FSTL5: variants seen among roughly 807,000 people sequenced by gnomAD.
FSTL5 encodes follistatin like 5, also known as follistatin-related protein 5.
Under a neutral mutation model 89.1 loss-of-function variants are expected in FSTL5, and 62 were observed. That is an observed-to-expected ratio of 0.70 (90% CI 0.57 to 0.86). FSTL5 has a LOEUF of 0.86. Ranked by LOEUF, FSTL5 falls within the 40% of genes least tolerant of loss-of-function variation. FSTL5 has a pLI of 0.00. For missense variants in FSTL5, 1,057 were observed against 1,001.6 expected (o/e 1.06, Z -0.75); for synonymous variants, 383 against 346.2 (o/e 1.11, Z -1.18).
chr4:162,141,203 G>A (rs369593773), intron 1 of FSTL5, among the ~76,000 whole-genome samples: 3 of 95,852 alleles, frequency 3.1e-5, no homozygotes, highest in African/African-American at 1.2e-4. Context: ...TGCAAGCTCC[G>A]CCTCCCGGGT....
At chr4:161,980,764 CTTTTTTTTTTTTTTT>C (rs34223215) in intron 3 of FSTL5, among the ~76,000 whole-genome samples, 11 of 71,842 alleles carry the variant, frequency 1.5e-4, no homozygotes, top group South Asian at 6.7e-4. Context: ...CTTCAAGTAA[CTTTTTTTTTTTTTTT>C]TTTTTTTTTT....
intron 3 of FSTL5, among the ~76,000 whole-genome samples, chr4:161,946,763 C>T (rs1397809332): frequency 6.6e-6 from 1 of 152,058 alleles, no homozygotes; most frequent in South Asian, 2.1e-4. Flanking sequence ...GTAAACACTT[C>T]GAAGTGGAAT....
At chr4:161,492,872 A>G (rs1490083371) in intron 12 of FSTL5, among the ~76,000 whole-genome samples, 2 of 152,054 alleles carry the variant, frequency 1.3e-5, no homozygotes, top group African/African-American at 2.4e-5. Context: ...ATGTAAATAT[A>G]TTTTTAAATA....
Position 161,656,399 on chromosome 4 carries a change from T to A in FSTL5, c.823A>T (p.Thr275Ser). ...TTCCAGATAATGGGAGGTCTCAGGG[T>A]TCCTTGAATGGCACAGCTCAGAACA... is the stretch of plus-strand genomic sequence containing the variant. ...SAVLSCAIQG[T>S]LRPPIIWKRN... is the part of the protein sequence containing the mutation. Residue 275 changes from threonine to serine, a missense_variant, in exon 7 of 16, where the codon ACC becomes TCC. Coordinates refer to ENST00000306100, the MANE Select transcript of FSTL5 (RefSeq NM_020116.5). 1 of 1,610,546 alleles carries A rather than the reference T, an allele frequency of 6.2e-7. No homozygotes were observed. Among genetic ancestry groups the A allele is most frequent in the Non-Finnish European group, 8.5e-7 (1 of 1,177,358 alleles).
At chr4:162,024,461 T>C (rs1009680862) in intron 3 of FSTL5, among the ~76,000 whole-genome samples, 1 of 152,188 alleles carries the variant, frequency 6.6e-6, no homozygotes, top group Non-Finnish European at 1.5e-5. Context: ...TAACCTTCAT[T>C]ATCTGATGCA....
At chr4:162,028,132 G>A (rs1265113419) in intron 3 of FSTL5, among the ~76,000 whole-genome samples, 1 of 152,056 alleles carries the variant, frequency 6.6e-6, no homozygotes, top group Non-Finnish European at 1.5e-5. Flanking sequence ...ATATTTTCAA[G>A]GAGTAAGTTT....
intron 8 of FSTL5, among the ~76,000 whole-genome samples, chr4:161,552,262 A>T (rs1732242056): frequency 6.6e-6 from 1 of 151,916 alleles, no homozygotes; most frequent in Admixed American, 6.6e-5. Flanking sequence ...GAATCAGAAT[A>T]GATATTAATA....
At chr4:161,554,223 A>G (rs1426059747) in intron 8 of FSTL5, among the ~76,000 whole-genome samples, 7 of 151,466 alleles carry the variant, frequency 4.6e-5, no homozygotes, top group Non-Finnish European at 1.0e-4. Flanking sequence ...GATGTGTCTT[A>G]TGATGATAGT....
chr4:161,860,645 A>C (rs1356753423), intron 4 of FSTL5, among the ~76,000 whole-genome samples: 2 of 152,186 alleles, frequency 1.3e-5, no homozygotes, highest in African/African-American at 4.8e-5. Context: ...AAATTAATCT[A>C]ACCATTTCCC....
chr4:161,402,862 C>A (rs1229906660), intron 15 of FSTL5, among the ~76,000 whole-genome samples: 3 of 150,284 alleles, frequency 2.0e-5, no homozygotes, highest in African/African-American at 7.3e-5. Flanking sequence ...CACTCTGTTG[C>A]CCAGGCTGGA....
In FSTL5 at chr4:161,839,258, C is replaced by T. The variant is rs144661225; in HGVS notation, c.410-63184G>A. On this transcript the variant is annotated intron_variant, in intron 4 of 15. Transcript: ENST00000306100. The stretch of plus-strand genomic sequence containing the variant: ...CAAAAGTTATTTGAAAATATTAATG[C>T]AATGATCTATTCTGTTACGGGATGA... Among the ~76,000 whole-genome samples, 182 of 151,992 alleles carry T rather than the reference C, an allele frequency of 1.2e-3. 6 individuals carry two copies. The East Asian group carries it at 0.032, about 27-fold the overall frequency.
intron 5 of FSTL5, among the ~76,000 whole-genome samples, chr4:161,770,774 T>C (rs1741180874): frequency 2.0e-5 from 3 of 151,794 alleles, no homozygotes; most frequent in Admixed American, 2.0e-4. Context: ...TAAAACAAAA[T>C]ATATATAATA....
At chr4:161,396,595 A>G (rs1163288952) in intron 15 of FSTL5, among the ~76,000 whole-genome samples, 2 of 151,850 alleles carry the variant, frequency 1.3e-5, no homozygotes, top group East Asian at 3.9e-4. Context: ...CAGAGGTTGC[A>G]GTAAGCTGAG....
chr4:161,553,930 T>G (rs1414573145), intron 8 of FSTL5, among the ~76,000 whole-genome samples: 1 of 151,528 alleles, frequency 6.6e-6, no homozygotes, highest in Non-Finnish European at 1.5e-5. Flanking sequence ...ACAAATCTAA[T>G]AAAATTTTAT....
In FSTL5 at chr4:161,779,792, T is replaced by TAC. The variant is rs1741576382; in HGVS notation, c.410-3719_410-3718insGT. On this transcript the variant is annotated intron_variant, in intron 4 of 15. Transcript: ENST00000306100. ...ATATATATGTATATATATATATATA[T>TAC]ATATATATATATATATATGTATATA... Among the ~76,000 whole-genome samples, 11 of 53,194 alleles carry TAC rather than the reference T, an allele frequency of 2.1e-4. No individual in the cohort carries two copies. In the South Asian group the frequency reaches 3.7e-3, roughly 18 times the overall value. The allele number at this position is 53,194 out of a possible 152,430, so 34.9% of individuals were successfully genotyped here.
chr4:161,570,837 C>T (rs907858602), intron 8 of FSTL5, among the ~76,000 whole-genome samples: 8 of 152,060 alleles, frequency 5.3e-5, no homozygotes, highest in African/African-American at 4.8e-5. Flanking sequence ...CCAAGGGAGC[C>T]GGGTGTGGTG....
chr4:162,104,095 G>A (rs567365402), intron 2 of FSTL5, among the ~76,000 whole-genome samples: 1 of 152,150 alleles, frequency 6.6e-6, no homozygotes, highest in Non-Finnish European at 1.5e-5. Context: ...TGCCACTATC[G>A]CAGACCCACT....
rs965182583 is a variant in FSTL5 at position 161,384,770 on chromosome 4, C to G, written c.*977G>C. ...TCAATTCTCTTGCCAGTTTTCTTTT[C>G]CTAGGTGTTAATTTCCCTATATATG... On this transcript the variant is annotated 3_prime_UTR_variant, in exon 16 of 16. Transcript: ENST00000306100. 6.6e-6 allele frequency: 1 copy of G among 152,088 alleles called. No homozygotes were observed. The highest frequency in any genetic ancestry group is 1.5e-5 in the Non-Finnish European group (1 of 67,994). The allele number at this position is 152,088 out of a possible 1,614,324, so 9.4% of individuals were successfully genotyped here. A position where few individuals can be genotyped will look rare whatever the true frequency, so the allele number is the denominator to read the frequency against.
rs546580004 is a variant in FSTL5 at position 161,901,077 on chromosome 4, T to C, written c.409+19327A>G. ...AATAGACTTTTCAACTTTTGTTTAT[T>C]CACTCATACATCACATATTTACTGA... On this transcript the variant is annotated intron_variant, in intron 4 of 15. Transcript: ENST00000306100. Among the ~76,000 whole-genome samples, 20 of 152,260 alleles carry C rather than the reference T, an allele frequency of 1.3e-4. No individual in the cohort carries two copies. In the South Asian group the frequency reaches 2.5e-3, roughly 19 times the overall value.
Sources: gnomAD v4.1 joint callset for allele counts (sites outside exome capture counted in the v4.1 genomes callset) on GRCh38, gnomAD v4.1.1 for gene constraint, MANE v1.5 for transcripts, NCBI Gene and HGNC (gene_info 2026-07-23, HGNC 2026-07-21) for gene names.